ZFYVE1: variants seen among roughly 807,000 people sequenced by gnomAD.
The protein encoded by ZFYVE1 is zinc finger FYVE domain-containing protein 1.
ZFYVE1 carries 30 observed loss-of-function variants against 74.4 expected under a neutral mutation model. That is an observed-to-expected ratio of 0.40 (90% CI 0.30 to 0.55). The LOEUF is 0.55. Ranked by LOEUF, ZFYVE1 falls within the 20% of genes least tolerant of loss-of-function variation. The pLI is 0.42. For synonymous variants in ZFYVE1, 335 were observed against 385.1 expected, an observed-to-expected ratio of 0.87 and a Z score of 1.52; for missense variants, 703 against 1,011.6, an observed-to-expected ratio of 0.69 and a Z score of 4.14.
intron 5 of ZFYVE1, among the ~76,000 whole-genome samples, chr14:72,979,497 C>G (rs550267764): frequency 3.3e-5 from 5 of 151,574 alleles, no homozygotes; most frequent in Admixed American, 1.3e-4. Context: ...ACTAAAAATA[C>G]AAAAAAATTA....
In ZFYVE1 at chr14:73,024,665, A is replaced by T; in HGVS notation, c.-157T>A. 2 of 1,126,338 alleles carry T rather than the reference A, an allele frequency of 1.8e-6. No individual in the cohort carries two copies. 69.8% of individuals were successfully genotyped at this position (1,126,338 alleles called of 1,614,324 possible). On this transcript the variant is annotated 5_prime_UTR_variant, in exon 2 of 12. Coordinates refer to ENST00000556143, the MANE Select transcript of ZFYVE1 (RefSeq NM_021260.4). ...CTTTCATGTCCTGTTATAGTTCTTC[A>T]CAAACAAATGTTCAAATTTTTAATT... is the stretch of plus-strand genomic sequence containing the variant.
chr14:73,011,511 A>T (rs989801289), intron 2 of ZFYVE1, among the ~76,000 whole-genome samples: 1 of 151,252 alleles, frequency 6.6e-6, no homozygotes, highest in African/African-American at 2.4e-5. Flanking sequence ...TTTTATTTTT[A>T]TTTTATTTTA....
chr14:72,997,333 T>C (rs1313157252), intron 3 of ZFYVE1, among the ~76,000 whole-genome samples: 1 of 152,182 alleles, frequency 6.6e-6, no homozygotes, highest in Non-Finnish European at 1.5e-5. Context: ...CAGAACTCTG[T>C]CAAAGAATTG....
intron 2 of ZFYVE1, among the ~76,000 whole-genome samples, chr14:73,015,385 G>GA (rs1894178023): frequency 7.8e-5 from 1 of 12,786 alleles, no homozygotes; most frequent in Non-Finnish European, 2.3e-4. Context: ...AGGAAGGGGG[G>GA]AAGGAAGAGG....
chr14:73,013,967 T>A (rs1894142030), intron 2 of ZFYVE1, among the ~76,000 whole-genome samples: 1 of 152,150 alleles, frequency 6.6e-6, no homozygotes, highest in Non-Finnish European at 1.5e-5. Context: ...GTTCAGCCAG[T>A]AGATGCACCC....
intron 2 of ZFYVE1, among the ~76,000 whole-genome samples, chr14:73,010,895 T>C (rs1156298611): frequency 6.6e-6 from 1 of 150,614 alleles, no homozygotes; most frequent in East Asian, 1.9e-4. Context: ...ATTTAAATGC[T>C]TACTGTGTGT....
At chr14:72,999,302 C>T (rs1442764702) in intron 2 of ZFYVE1, among the ~76,000 whole-genome samples, 1 of 152,072 alleles carries the variant, frequency 6.6e-6, no homozygotes, top group Admixed American at 6.5e-5. Flanking sequence ...TGGCACATGC[C>T]TGTAATCCCA....
intron 2 of ZFYVE1, among the ~76,000 whole-genome samples, chr14:73,016,816 G>A (rs1389207997): frequency 3.3e-5 from 5 of 150,564 alleles, no homozygotes; most frequent in Admixed American, 6.6e-5. Context: ...AGAGGCTGCA[G>A]TGAACCAAGA....
At chr14:72,974,628 A>G in intron 10 of ZFYVE1, 151 bp downstream of exon 10, 2 of 995,950 alleles carry the variant, frequency 2.0e-6, no homozygotes, top group South Asian at 3.6e-5. Context: ...GGACGCTGTT[A>G]ACAAGGAGCT....
At chr14:73,003,044 T>TTTTTC (rs1342527280) in intron 2 of ZFYVE1, among the ~76,000 whole-genome samples, 30 of 134,654 alleles carry the variant, frequency 2.2e-4, no homozygotes, top group African/African-American at 7.7e-4. Context: ...CCCAGCCCTT[T>TTTTTC]TTTTCTTTTC....
rs1893009028 is a variant in ZFYVE1 at position 72,970,701 on chromosome 14, G to A, written c.*181C>T. The A allele has an allele frequency of 1.5e-6, 1 of 651,326 alleles. No individual in the cohort carries two copies. The highest frequency in any genetic ancestry group is 2.0e-5 in the South Asian group (1 of 51,142). 40.3% of individuals were successfully genotyped at this position (651,326 alleles called of 1,614,324 possible). Reference sequence around the variant, plus strand: ...GATAAGTTGCAAGGTCCCCTGCCCTGAGGGGTCCACACCTTCGGGCCTGCC... The same window carrying A: ...GATAAGTTGCAAGGTCCCCTGCCCTAAGGGGTCCACACCTTCGGGCCTGCC... On this transcript the variant is annotated 3_prime_UTR_variant, in exon 12 of 12. Coordinates refer to ENST00000556143, the MANE Select transcript of ZFYVE1 (RefSeq NM_021260.4).
At chr14:72,988,423 C>CTTCA (rs971763180) in intron 4 of ZFYVE1, among the ~76,000 whole-genome samples, 2 of 151,876 alleles carry the variant, frequency 1.3e-5, no homozygotes, top group Non-Finnish European at 2.9e-5. Context: ...GATCTGCCTG[C>CTTCA]TTCAGCCTCC....
In ZFYVE1 at chr14:72,988,175, A is replaced by T. The variant is rs528532579; in HGVS notation, c.1203+4968T>A. Among the ~76,000 whole-genome samples the T allele has an allele frequency of 5.9e-3, 824 of 140,040 alleles. 2 individuals are homozygous for T. The highest frequency in any genetic ancestry group is 0.011 in the Non-Finnish European group (695 of 64,810). 91.9% of individuals were successfully genotyped at this position (140,040 alleles called of 152,430 possible). A position where few individuals can be genotyped will look rare whatever the true frequency, so the allele number is the denominator to read the frequency against. ...TCAAAAATAAGATAGGGCTAACAAC[A>T]TTTTTTTTTTTTTTTTTGAGACAGA... On this transcript the variant is annotated intron_variant, in intron 4 of 11. Coordinates refer to ENST00000556143, the MANE Select transcript of ZFYVE1 (RefSeq NM_021260.4).
intron 8 of ZFYVE1, among the ~76,000 whole-genome samples, chr14:72,976,696 T>C (rs1401822033): frequency 6.6e-6 from 1 of 151,330 alleles, no homozygotes; most frequent in Non-Finnish European, 1.5e-5. Context: ...GGCAGGAGAA[T>C]TGCTTGAACC....
At chr14:72,989,393 G>T (rs867130940) in intron 4 of ZFYVE1, among the ~76,000 whole-genome samples, 1 of 152,108 alleles carries the variant, frequency 6.6e-6, no homozygotes, top group African/African-American at 2.4e-5. Context: ...TGCTTACACA[G>T]CAATAAAAAT....
At position 72,977,953 on chromosome 14, in the gene ZFYVE1, T is replaced by G; in HGVS notation, c.1609A>C (p.Thr537Pro). The G allele has an allele frequency of 1.2e-6, 2 of 1,614,182 alleles. No individual in the cohort carries two copies. Among genetic ancestry groups the G allele is most frequent in the South Asian group, 2.2e-5 (2 of 91,082 alleles). Residue 537 changes from threonine (T) to proline (P), a missense_variant, in exon 8 of 12, where the codon ACA (threonine) becomes CCA (proline). By Grantham distance (38) the Thr-to-Pro change is conservative (BLOSUM62 -1). Around this residue, in one of 2 missense-constraint regions of ZFYVE1, gnomAD observed 492 missense variants for 790.0 expected, o/e 0.62. Transcript: ENST00000556143. ...CCAGGCCACACATGCACAATCTCTG[T>G]CCGCACCACCGTATCCACAGGATCT... ...NQDPVDTVVR[T>P]EIVHVWPGTD...
chr14:72,999,351 C>T (rs559108971), intron 2 of ZFYVE1, among the ~76,000 whole-genome samples: 3 of 152,074 alleles, frequency 2.0e-5, no homozygotes, highest in East Asian at 1.9e-4. Context: ...CACTTGAACC[C>T]GGGAAGCAGA....
rs1892992580 is a variant in ZFYVE1, at chr14:72,970,115, G to A, written c.*767C>T. 8.1e-6 allele frequency: 2 copies of A among 247,474 alleles called. No individual in the cohort carries two copies. Among genetic ancestry groups the A allele is most frequent in the African/African-American group, 4.5e-5 (2 of 44,146 alleles). The allele number at this position is 247,474 out of a possible 1,614,324, so 15.3% of individuals were successfully genotyped here. A position where few individuals can be genotyped will look rare whatever the true frequency, so the allele number is the denominator to read the frequency against. On this transcript the variant is annotated 3_prime_UTR_variant, in exon 12 of 12. Transcript: ENST00000556143. ...GGAGACAGAAGCATCGGGACAGGAA[G>A]CCCTGCTGGAGAAGGCTCAGTTCCT... is the stretch of plus-strand genomic sequence containing the variant.
chr14:73,018,583 C>G (rs529938148), intron 2 of ZFYVE1, among the ~76,000 whole-genome samples: 84 of 152,248 alleles, frequency 5.5e-4, no homozygotes, highest in African/African-American at 2.0e-3. Context: ...GCTTTCCCCA[C>G]TTGAATAGTA....
Sources: gnomAD v4.1 joint callset for allele counts (sites outside exome capture counted in the v4.1 genomes callset) on GRCh38, gnomAD v4.1.1 for gene constraint, gnomAD v4.1.1 regional missense constraint, MANE v1.5 for transcripts, NCBI Gene and HGNC (gene_info 2026-07-23, HGNC 2026-07-21) for gene names.